NLGN1: variants seen among roughly 807,000 people sequenced by gnomAD.
The protein encoded by NLGN1 is neuroligin-1.
A neutral mutation model predicts 65.5 loss-of-function variants in NLGN1; 12 were observed. The observed-to-expected ratio is 0.18, with a 90% confidence interval of 0.12 to 0.30. The LOEUF (loss-of-function observed/expected upper bound fraction) is 0.30. Ranked by LOEUF, NLGN1 falls within the 10% of genes least tolerant of loss-of-function variation. The probability of loss-of-function intolerance (pLI) is 1.00; values close to 1 mark genes in which losing one functional copy is unlikely to be tolerated. For synonymous variants in NLGN1, 350 were observed against 359.5 expected (o/e 0.97, Z 0.30); for missense variants, 750 against 1,007.1 (o/e 0.74, Z 3.46).
intron 2 of NLGN1, among the ~76,000 whole-genome samples, chr3:173,514,879 T>C (rs944990552): frequency 4.6e-5 from 7 of 152,244 alleles, no homozygotes; most frequent in African/African-American, 1.7e-4. Context: ...TGTATGCATA[T>C]ACCAAAGTAA....
chr3:173,655,261 T>TA (rs1759823255), intron 3 of NLGN1, among the ~76,000 whole-genome samples: 1 of 152,176 alleles, frequency 6.6e-6, no homozygotes, highest in South Asian at 2.1e-4. Flanking sequence ...CATAAACTCT[T>TA]ATTCACTTAT....
chr3:173,856,239 T>C (rs1005061412), intron 4 of NLGN1, among the ~76,000 whole-genome samples: 2 of 150,658 alleles, frequency 1.3e-5, no homozygotes, highest in African/African-American at 4.9e-5. Flanking sequence ...GCTTTTGCAG[T>C]GGTAGTAATA....
In NLGN1 at chr3:173,532,693, G is replaced by T. The variant is rs549271494; in HGVS notation, c.-320-71586G>T. On this transcript the variant is annotated intron_variant, in intron 2 of 6. Coordinates refer to ENST00000457714, the Ensembl canonical transcript of NLGN1. ...CATTTGTTTCTTTTTTATTTCTAAG[G>T]TTGGCCACTTAAAAATTTAAAATTA... Among the ~76,000 whole-genome samples the T allele has an allele frequency of 2.6e-4, 40 of 152,146 alleles. 1 individual carries two copies. In the South Asian group the frequency reaches 7.9e-3, roughly 30 times the overall value.
intron 4 of NLGN1, among the ~76,000 whole-genome samples, chr3:174,085,096 G>A (rs1303013398): frequency 1.3e-5 from 2 of 151,894 alleles, no homozygotes; most frequent in Admixed American, 1.3e-4. Context: ...TTATAAAAAT[G>A]TAAACATTAT....
At chr3:173,623,034 G>A (rs981700754) in intron 3 of NLGN1, among the ~76,000 whole-genome samples, 3 of 152,044 alleles carry the variant, frequency 2.0e-5, no homozygotes, top group Non-Finnish European at 4.4e-5. Flanking sequence ...GAGTCCCAGG[G>A]AACTTCAGCT....
chr3:174,048,496 GAC>G (rs146236833), intron 4 of NLGN1, among the ~76,000 whole-genome samples: 111 of 151,870 alleles, frequency 7.3e-4, no homozygotes, highest in African/African-American at 2.6e-3. Flanking sequence ...ACTTTAAGGA[GAC>G]AGTTGGAAAC....
At chr3:173,448,496 T>G (rs147938339) in intron 2 of NLGN1, among the ~76,000 whole-genome samples, 24,841 of 152,218 alleles carry the variant, frequency 0.16, 2,093 homozygotes, top group Middle Eastern at 0.26. Flanking sequence ...GCATCTATGT[T>G]CATCAAGGAT....
chr3:174,131,961 T>C (rs1720284668), intron 4 of NLGN1, among the ~76,000 whole-genome samples: 1 of 152,216 alleles, frequency 6.6e-6, no homozygotes, highest in South Asian at 2.1e-4. Flanking sequence ...TCTCATTTCA[T>C]GGCCTGCAGC....
intron 2 of NLGN1, among the ~76,000 whole-genome samples, chr3:173,475,878 G>A (rs1040555820): frequency 1.3e-5 from 2 of 152,134 alleles, no homozygotes; most frequent in African/African-American, 4.8e-5. Context: ...AGTTAATTGG[G>A]TCTATTAATT....
At chr3:173,886,799 C>G (rs1481682832) in intron 4 of NLGN1, among the ~76,000 whole-genome samples, 1 of 151,958 alleles carries the variant, frequency 6.6e-6, no homozygotes, top group Non-Finnish European at 1.5e-5. Flanking sequence ...AAGTGCATGA[C>G]CAGAGACTGC....
chr3:173,851,101 A>C (rs1389660269), intron 4 of NLGN1, among the ~76,000 whole-genome samples: 2 of 152,038 alleles, frequency 1.3e-5, no homozygotes, highest in Non-Finnish European at 2.9e-5. Flanking sequence ...TAGTTTCATA[A>C]TATGGTTTTA....
At chr3:174,255,971 A>G (rs1308354143) in intron 4 of NLGN1, among the ~76,000 whole-genome samples, 1 of 152,122 alleles carries the variant, frequency 6.6e-6, no homozygotes, top group Admixed American at 6.5e-5. Flanking sequence ...CTTCAACAGA[A>G]AATTTTTATT....
At chr3:173,788,232 A>C (rs887919752) in intron 3 of NLGN1, among the ~76,000 whole-genome samples, 1 of 150,904 alleles carries the variant, frequency 6.6e-6, no homozygotes, top group Non-Finnish European at 1.5e-5. Flanking sequence ...AAAAAAGAAA[A>C]AGTTTATTTT....
intron 4 of NLGN1, among the ~76,000 whole-genome samples, chr3:174,020,844 C>A (rs1727614298): frequency 6.6e-6 from 1 of 152,190 alleles, no homozygotes; most frequent in South Asian, 2.1e-4. Flanking sequence ...TATATTCTTA[C>A]ATAAATGTCT....
At chr3:174,093,009 A>C (rs946695816) in intron 4 of NLGN1, among the ~76,000 whole-genome samples, 1 of 152,190 alleles carries the variant, frequency 6.6e-6, no homozygotes. Context: ...TGAGCTAGCC[A>C]GTCCCATGGG....
intron 1 of NLGN1, among the ~76,000 whole-genome samples, chr3:173,420,141 A>T (rs1714745521): frequency 6.6e-6 from 1 of 150,698 alleles, no homozygotes; most frequent in Non-Finnish European, 1.5e-5. Context: ...TTTGTTACAT[A>T]TGTATACATG....
chr3:174,249,563 C>G (rs1250120735), intron 4 of NLGN1, among the ~76,000 whole-genome samples: 1 of 152,168 alleles, frequency 6.6e-6, no homozygotes, highest in Non-Finnish European at 1.5e-5. Flanking sequence ...TGACAGAACA[C>G]TTTCTTTGAG....
chr3:174,191,502 A>T (rs1456557590), intron 4 of NLGN1, among the ~76,000 whole-genome samples: 1 of 152,156 alleles, frequency 6.6e-6, no homozygotes, highest in Non-Finnish European at 1.5e-5. Flanking sequence ...CTTAACGGAG[A>T]TCAAAGAATG....
chr3:174,279,354 C>A lies in NLGN1; in HGVS notation c.1353C>A (p.Thr451=). Residue 451 remains threonine, a synonymous_variant, in exon 6 of 7, where the codon ACC becomes ACA. Transcript: ENST00000457714. The surrounding 1 kb of genome is among the most constrained non-coding windows in gnomAD (Gnocchi z 4.7). ...GGGCTGACCGTCATAACCCTGAAAC[C>A]AGAAGAAAGACATTACTGGCTTTGT... 1.2e-6 allele frequency: 2 copies of A among 1,613,392 alleles called. No individual in the cohort carries two copies. Among genetic ancestry groups the A allele is most frequent in the Non-Finnish European group, 1.7e-6 (2 of 1,179,588 alleles).
Sources: allele counts gnomAD v4.1 joint callset (sites outside exome capture counted in the v4.1 genomes callset), GRCh38; gene constraint gnomAD v4.1.1; non-coding constraint Gnocchi (gnomAD v3.1); transcripts MANE v1.5; gene names NCBI Gene and HGNC (gene_info 2026-07-23, HGNC 2026-07-21).